The following CFAP299 variants were observed in gnomAD, a reference collection of about 807,000 sequenced individuals.
CFAP299 encodes the protein cilia- and flagella-associated protein 299.
Under a neutral mutation model 27.0 loss-of-function variants are expected in CFAP299, and 21 were observed. The observed-to-expected ratio is 0.78, with a 90% CI of 0.55 to 1.12. The LOEUF (loss-of-function observed/expected upper bound fraction) is 1.12. CFAP299 is among the 50% of genes most tolerant of loss of function. The probability of loss-of-function intolerance (pLI) is 0.00; values close to 1 mark genes in which losing one functional copy is unlikely to be tolerated. For missense variants in CFAP299, 310 were observed against 276.6 expected (o/e 1.12, Z -0.86); for synonymous variants, 104 against 98.1 (o/e 1.06, Z -0.36).
intron 2 of CFAP299, among the ~76,000 whole-genome samples, chr4:80,385,878 C>T (rs1368142331): frequency 6.6e-6 from 1 of 152,222 alleles, no homozygotes; most frequent in African/African-American, 2.4e-5. Flanking sequence ...ACGCAACTAC[C>T]AGCCTAGACC....
intron 3 of CFAP299, among the ~76,000 whole-genome samples, chr4:80,791,561 T>G (rs1201697898): frequency 6.6e-6 from 1 of 152,196 alleles, no homozygotes; most frequent in Admixed American, 6.5e-5. Flanking sequence ...AAGTAAACTT[T>G]CCATGCGTAT....
chr4:80,624,153 C>T (rs1738756080), intron 3 of CFAP299, among the ~76,000 whole-genome samples: 1 of 152,038 alleles, frequency 6.6e-6, no homozygotes, highest in African/African-American at 2.4e-5. Flanking sequence ...GTGCCATTGA[C>T]TGTTCCTAAA....
In CFAP299 at chr4:80,553,920, A is replaced by G. The variant is rs1734659746; in HGVS notation, c.243-29173A>G. ...TTTGTCAGATGCATAGTTTGCACATATTTTCTCTCTTTCTGTAGCTTGTCT... is the reference window on the plus strand; with the variant it reads ...TTTGTCAGATGCATAGTTTGCACATGTTTTCTCTCTTTCTGTAGCTTGTCT... On this transcript the variant is annotated intron_variant, in intron 2 of 5. Transcript: ENST00000358105. Among the ~76,000 whole-genome samples, 4 of 151,736 alleles carry G rather than the reference A, an allele frequency of 2.6e-5. No individual in the cohort carries two copies. In the South Asian group the frequency reaches 8.3e-4, roughly 32 times the overall value.
chr4:80,503,849 A>G (rs925947568), intron 2 of CFAP299, among the ~76,000 whole-genome samples: 2 of 152,252 alleles, frequency 1.3e-5, no homozygotes, highest in Admixed American at 1.3e-4. Flanking sequence ...ATTAATGTTC[A>G]GTCTTTAGTT....
intron 3 of CFAP299, among the ~76,000 whole-genome samples, chr4:80,636,820 A>G (rs1739482203): frequency 6.6e-6 from 1 of 152,236 alleles, no homozygotes; most frequent in Non-Finnish European, 1.5e-5. Flanking sequence ...TAATTGTAAC[A>G]GAAACTGTAT....
rs1052873156 is a variant in CFAP299, at chr4:80,961,624, G to C, written c.607-1893G>C. 2.6e-5 allele frequency among the ~76,000 whole-genome samples: 4 copies of C among 151,798 alleles called. No individual in the cohort carries two copies. In the South Asian group the frequency reaches 8.3e-4, roughly 31 times the overall value. ...ATGCACTCATCCAAAAAGAGATAAA[G>C]GTCTTTCTAAATTATAAGCATCTAG... On this transcript the variant is annotated intron_variant, in intron 5 of 5. Coordinates refer to ENST00000358105, the MANE Select transcript of CFAP299 (RefSeq NM_152770.3).
intron 2 of CFAP299, chr4:80,387,406 G>GT (rs1725073347): frequency 9.9e-7 from 1 of 1,013,700 alleles, no homozygotes; most frequent in Admixed American, 1.7e-5. Flanking sequence ...TGCTGAACTT[G>GT]CTGGGGCAGA....
Position 80,469,118 on chromosome 4 carries a change from AT to A in CFAP299, c.242+106235del, listed in dbSNP as rs1729858888. On this transcript the variant is annotated intron_variant, in intron 2 of 5. Transcript: ENST00000358105. Reference sequence around the variant, plus strand: ...AGTGGTTCTTAATATGTGGTCCTTAATCAGCAGCATCAGCATCACCTGGGAA... The same window carrying A: ...AGTGGTTCTTAATATGTGGTCCTTAACAGCAGCATCAGCATCACCTGGGAA... 2.0e-5 allele frequency among the ~76,000 whole-genome samples: 3 copies of A among 152,332 alleles called. No individual in the cohort carries two copies. The South Asian group carries it at 6.2e-4, about 32-fold the overall frequency.
At chr4:80,897,384 A>G (rs1048679710) in intron 4 of CFAP299, among the ~76,000 whole-genome samples, 1 of 152,218 alleles carries the variant, frequency 6.6e-6, no homozygotes, top group African/African-American at 2.4e-5. Context: ...ATATTCTGAT[A>G]GATAAAATAA....
At chr4:80,858,802 A>C (rs889336575) in intron 3 of CFAP299, among the ~76,000 whole-genome samples, 2 of 151,972 alleles carry the variant, frequency 1.3e-5, no homozygotes, top group Admixed American at 1.3e-4. Flanking sequence ...GTTCTTTTAC[A>C]TTTGCTGAGG....
intron 2 of CFAP299, among the ~76,000 whole-genome samples, chr4:80,506,012 A>G (rs1578528363): frequency 1.4e-5 from 2 of 147,582 alleles, no homozygotes; most frequent in South Asian, 2.2e-4. Context: ...AAATATATAT[A>G]AATATATATA....
At position 80,800,516 on chromosome 4, in the gene CFAP299, TAATATA is replaced by T. The variant is rs1379106536; in HGVS notation, c.334-69476_334-69471del. Among the ~76,000 whole-genome samples, 52 of 12,272 alleles carry T rather than the reference TAATATA, an allele frequency of 4.2e-3. 1 individual carries two copies. The East Asian group carries it at 0.092, about 22-fold the overall frequency. 8.1% of individuals were successfully genotyped at this position (12,272 alleles called of 152,430 possible). ...AATATATAATATATTATATAATATA[TAATATA>T]TAATATATTATATAATATATAATAT... On this transcript the variant is annotated intron_variant, in intron 3 of 5. Coordinates refer to ENST00000358105, the MANE Select transcript of CFAP299 (RefSeq NM_152770.3).
chr4:80,679,433 T>C (rs1719686393), intron 3 of CFAP299, among the ~76,000 whole-genome samples: 1 of 152,082 alleles, frequency 6.6e-6, no homozygotes, highest in African/African-American at 2.4e-5. Context: ...TTAACATGAA[T>C]GTCCAGGAGT....
intron 3 of CFAP299, among the ~76,000 whole-genome samples, chr4:80,640,447 GTAATCCAATC>G (rs1454292961): frequency 6.6e-6 from 1 of 152,186 alleles, no homozygotes; most frequent in African/African-American, 2.4e-5. Context: ...CTCAGGCAAA[GTAATCCAATC>G]TCAAGCTCTG....
chr4:80,695,583 A>G (rs1405500112), intron 3 of CFAP299, among the ~76,000 whole-genome samples: 4 of 152,006 alleles, frequency 2.6e-5, no homozygotes, highest in Non-Finnish European at 5.9e-5. Context: ...TATAGCTATA[A>G]TTGACTGTAT....
intron 3 of CFAP299, among the ~76,000 whole-genome samples, chr4:80,748,059 CA>C (rs1478254888): frequency 1.3e-5 from 2 of 152,154 alleles, no homozygotes; most frequent in East Asian, 3.9e-4. Flanking sequence ...AACAACTCTC[CA>C]ATGTTGTCTA....
chr4:80,767,136 T>TACA (rs1560740982), intron 3 of CFAP299, among the ~76,000 whole-genome samples: 1 of 152,116 alleles, frequency 6.6e-6, no homozygotes, highest in East Asian at 1.9e-4. Context: ...ACATACATTG[T>TACA]ATGTATTTTC....
chr4:80,675,613 G>T lies in CFAP299; in HGVS notation c.333+92430G>T, dbSNP rs550285701. Among the ~76,000 whole-genome samples the T allele has an allele frequency of 3.9e-3, 593 of 152,346 alleles. 2 individuals are homozygous for T. The highest frequency in any genetic ancestry group is 6.8e-3 in the Non-Finnish European group (466 of 68,030). On this transcript the variant is annotated intron_variant, in intron 3 of 5. Transcript: ENST00000358105. Reference sequence around the variant, plus strand: ...ATTTAAGTCTGCAGAAGTTTCTGCTGCCTTTTGTTCAGCTATGCCCTGCCC... The same window carrying T: ...ATTTAAGTCTGCAGAAGTTTCTGCTTCCTTTTGTTCAGCTATGCCCTGCCC...
At chr4:80,410,846 G>T (rs894941603) in intron 2 of CFAP299, among the ~76,000 whole-genome samples, 4 of 150,522 alleles carry the variant, frequency 2.7e-5, no homozygotes, top group African/African-American at 9.8e-5. Flanking sequence ...CTGCTTGTCT[G>T]TTTTTTTTTC....
Sources: gnomAD v4.1 joint callset for allele counts (sites outside exome capture counted in the v4.1 genomes callset) on GRCh38, gnomAD v4.1.1 for gene constraint, MANE v1.5 for transcripts, NCBI Gene and HGNC (gene_info 2026-07-23, HGNC 2026-07-21) for gene names.